ARHGEF10: variants seen among roughly 807,000 people sequenced by gnomAD.
The protein encoded by ARHGEF10 is Rho guanine nucleotide exchange factor 10.
ARHGEF10 carries 140 observed loss-of-function variants against 147.4 expected under a neutral mutation model. The observed-to-expected ratio is 0.95, with a 90% CI of 0.83 to 1.09. The LOEUF (loss-of-function observed/expected upper bound fraction) is 1.09. Ranked by LOEUF, ARHGEF10 falls within the 50% of genes least tolerant of loss-of-function variation. ARHGEF10 has a pLI of 0.00. For missense variants in ARHGEF10, 2,222 were observed against 1,752.7 expected (o/e 1.27, Z -4.78); for synonymous variants, 902 against 695.8 (o/e 1.30, Z -4.67).
intron 2 of ARHGEF10, among the ~76,000 whole-genome samples, chr8:1,846,906 T>C (rs1585248562): frequency 6.6e-6 from 1 of 152,212 alleles, no homozygotes; most frequent in Non-Finnish European, 1.5e-5. Flanking sequence ...TGTAGGTTTT[T>C]ATACCGCGTT....
chr8:1,926,283 C>T (rs1393800216), intron 22 of ARHGEF10, 94 bp from the exon 23 acceptor site: 1 of 991,142 alleles, frequency 1.0e-6, no homozygotes, highest in Non-Finnish European at 1.6e-6. Context: ...TGTGTTTATA[C>T]ATTGGAAGTA....
At chr8:1,888,156 AG>A (rs1808892481) in intron 11 of ARHGEF10, among the ~76,000 whole-genome samples, 1 of 77,150 alleles carries the variant, frequency 1.3e-5, no homozygotes, top group South Asian at 3.8e-4. Flanking sequence ...TAGTGGGGCG[AG>A]GGTTGCGAGG....
chr8:1,897,518 G>A (rs1441355117), intron 14 of ARHGEF10, among the ~76,000 whole-genome samples: 1 of 149,728 alleles, frequency 6.7e-6, no homozygotes, highest in Non-Finnish European at 1.5e-5. Context: ...TGTGGGCTCT[G>A]TCCTAAGGCA....
At chr8:1,904,491 C>T (rs73542984) in intron 16 of ARHGEF10, among the ~76,000 whole-genome samples, 3,861 of 152,308 alleles carry the variant, frequency 0.025, 132 homozygotes, top group African/African-American at 0.075. Context: ...TTCCCCATTT[C>T]TCCAAGTGGT....
intron 10 of ARHGEF10, among the ~76,000 whole-genome samples, chr8:1,883,427 C>T (rs886834583): frequency 6.6e-6 from 1 of 152,126 alleles, no homozygotes; most frequent in African/African-American, 2.4e-5. Context: ...CTGGTTGTTT[C>T]TCCAGCTTTC....
chr8:1,895,329 T>C (rs960286514), intron 13 of ARHGEF10, among the ~76,000 whole-genome samples: 3 of 152,250 alleles, frequency 2.0e-5, no homozygotes, highest in Non-Finnish European at 4.4e-5. Flanking sequence ...TTTGAGACTA[T>C]GATGCTATCA....
chr8:1,824,712 C>T (rs1205933329), intron 1 of ARHGEF10, among the ~76,000 whole-genome samples: 1 of 63,072 alleles, frequency 1.6e-5, no homozygotes, highest in African/African-American at 6.6e-5. Context: ...CCGCAGCTGT[C>T]CCCCCCACAC....
intron 8 of ARHGEF10, among the ~76,000 whole-genome samples, chr8:1,879,624 C>T (rs1310968074): frequency 1.3e-5 from 2 of 151,728 alleles, no homozygotes; most frequent in Non-Finnish European, 2.9e-5. Flanking sequence ...ACCATCACGG[C>T]TCACTGCAGC....
At chr8:1,849,353 G>A (rs1241485588) in intron 2 of ARHGEF10, among the ~76,000 whole-genome samples, 5 of 151,678 alleles carry the variant, frequency 3.3e-5, no homozygotes, top group African/African-American at 9.7e-5. Context: ...ATGCCGAGGA[G>A]GGCATGGGGC....
chr8:1,844,630 C>T (rs946426081), intron 2 of ARHGEF10, among the ~76,000 whole-genome samples: 5 of 152,114 alleles, frequency 3.3e-5, no homozygotes, highest in East Asian at 3.9e-4. Context: ...ACCGGAAACC[C>T]GAGGCCACAG....
intron 6 of ARHGEF10, among the ~76,000 whole-genome samples, chr8:1,868,439 C>T (rs56325955): frequency 0.079 from 11,956 of 152,214 alleles, 1,189 homozygotes; most frequent in African/African-American, 0.24. Flanking sequence ...TTTTATGAAA[C>T]GGATTTTCAT....
rs573958266 is a variant in ARHGEF10, at chr8:1,928,141, C to CAG, written c.2698-286_2698-285insAG. 3.7e-4 allele frequency among the ~76,000 whole-genome samples: 57 copies of CAG among 152,146 alleles called. 1 individual carries two copies. Among genetic ancestry groups the CAG allele is most frequent in the Middle Eastern group, 3.4e-3 (1 of 292 alleles). On this transcript the variant is annotated intron_variant, in intron 23 of 28. Transcript: ENST00000349830. Reference sequence around the variant, plus strand: ...TAAATTGAGGATAGATGGGCCCTTACCTTCATATTGTGATGAGTACGTGAT... The same window carrying CAG: ...TAAATTGAGGATAGATGGGCCCTTACAGCTTCATATTGTGATGAGTACGTGAT...
chr8:1,952,911 C>G lies in ARHGEF10; in HGVS notation c.3520+84C>G. On this transcript the variant is annotated intron_variant, in intron 28 of 28. Coordinates refer to ENST00000349830, the MANE Select transcript of ARHGEF10 (RefSeq NM_014629.4). ...GCAGTGTGTAGTGTGATTTAACATC[C>G]TAGGATTCTTTAAACAATTCATATT... 3 of 1,574,804 alleles carry G rather than the reference C, an allele frequency of 1.9e-6. No homozygotes were observed. The South Asian group carries it at 3.3e-5, about 17-fold the overall frequency.
At chr8:1,922,928 T>C in intron 18 of ARHGEF10, 36 bp from the exon 19 acceptor site, 1 of 1,452,542 alleles carries the variant, frequency 6.9e-7, no homozygotes, top group Non-Finnish European at 9.7e-7. Flanking sequence ...GGCTTTACCT[T>C]TGTATTCTTT....
intron 26 of ARHGEF10, among the ~76,000 whole-genome samples, chr8:1,934,382 AAGAAAATTCCTTCTAGATTTT>A (rs1358258891): frequency 2.0e-5 from 3 of 151,710 alleles, no homozygotes; most frequent in South Asian, 4.2e-4. Context: ...AGGAAAGGGA[AAGAAAATTCCTTCTAGATTTT>A]GCTTAGAAAG....
chr8:1,859,539 G>A (rs959304175), intron 3 of ARHGEF10, among the ~76,000 whole-genome samples: 2 of 152,114 alleles, frequency 1.3e-5, no homozygotes, highest in Non-Finnish European at 2.9e-5. Flanking sequence ...TTTGCATGGC[G>A]TTTCTTTGTG....
At chr8:1,854,956 G>T (rs976606071) in intron 2 of ARHGEF10, among the ~76,000 whole-genome samples, 1 of 152,104 alleles carries the variant, frequency 6.6e-6, no homozygotes, top group African/African-American at 2.4e-5. Context: ...CCGGTCTCCC[G>T]GGGCTGGTGT....
intron 28 of ARHGEF10, 98 bp from the exon 29 acceptor site, chr8:1,956,651 G>A (rs2129297853): frequency 7.7e-7 from 1 of 1,302,414 alleles, no homozygotes; most frequent in East Asian, 2.3e-5. Context: ...TATTTGGGCA[G>A]GGAGGAATGC....
chr8:1,952,848 G>C, intron 28 of ARHGEF10, 21 bp downstream of exon 28: 1 of 1,613,662 alleles, frequency 6.2e-7, no homozygotes, highest in Non-Finnish European at 8.5e-7. Flanking sequence ...CCTGCAGTCT[G>C]AGTGGCTGCA....
Sources: gnomAD v4.1 joint callset for allele counts (sites outside exome capture counted in the v4.1 genomes callset) on GRCh38, gnomAD v4.1.1 for gene constraint, MANE v1.5 for transcripts, NCBI Gene and HGNC (gene_info 2026-07-23, HGNC 2026-07-21) for gene names.